The following MAPRE2 variants were observed in gnomAD, a reference collection of about 807,000 sequenced individuals.
MAPRE2 encodes the protein microtubule associated protein RP/EB family member 2.
MAPRE2 carries 13 observed loss-of-function variants against 43.2 expected under a neutral mutation model. The observed-to-expected ratio is 0.30, with a 90% CI of 0.20 to 0.48. The LOEUF is 0.48. Among genes scored for constraint, MAPRE2 ranks in the 20% least tolerant of loss-of-function variants. The pLI is 0.99. For synonymous variants in MAPRE2, 135 were observed against 148.8 expected (o/e 0.91, Z 0.68); for missense variants, 161 against 400.2 (o/e 0.40, Z 5.10).
intron 2 of MAPRE2, among the ~76,000 whole-genome samples, chr18:35,090,229 C>G (rs887383722): frequency 2.6e-5 from 4 of 152,012 alleles, no homozygotes; most frequent in Admixed American, 6.6e-5. Context: ...AATGGATGAA[C>G]AATTCTGTGA....
In MAPRE2 at chr18:35,126,972, C is replaced by T. The variant is rs562039880; in HGVS notation, c.635C>T (p.Ala212Val). 6.2e-7 allele frequency: 1 copy of T among 1,614,084 alleles called. No individual in the cohort carries two copies. Among genetic ancestry groups the T allele is most frequent in the African/African-American group, 1.3e-5 (1 of 75,026 alleles). Reference sequence around the variant, plus strand: ...GGTGCAGCTAAATCAAGTCCAGCAGCTAAACCAGGATCCACACCTTCTCGA... The same window carrying T: ...GGTGCAGCTAAATCAAGTCCAGCAGTTAAACCAGGATCCACACCTTCTCGA... ...TAGAAKSSPA[A>V]KPGSTPSRPS... Residue 212 changes from alanine to valine, a missense_variant, in exon 5 of 7, where the codon GCT becomes GTT. Physicochemically the swap from Ala to Val is moderately conservative, Grantham distance 64. Transcript: ENST00000300249.
intron 1 of MAPRE2, among the ~76,000 whole-genome samples, chr18:35,003,590 A>G (rs1407160651): frequency 6.6e-6 from 1 of 152,244 alleles, no homozygotes; most frequent in African/African-American, 2.4e-5. Context: ...GAAAATAGAA[A>G]AAGGCCAATT....
intron 6 of MAPRE2, among the ~76,000 whole-genome samples, chr18:35,135,978 GGGA>G (rs1910374660): frequency 1.3e-5 from 2 of 152,274 alleles, no homozygotes; most frequent in South Asian, 2.1e-4. Context: ...GTATTTGCTG[GGGA>G]GATCTCTTCC....
chr18:35,093,903 C>T (rs1691544839), intron 2 of MAPRE2, among the ~76,000 whole-genome samples: 1 of 152,080 alleles, frequency 6.6e-6, no homozygotes, highest in South Asian at 2.1e-4. Context: ...TTTCATATTC[C>T]CCTTGCTCTC....
At chr18:34,985,563 A>T (rs2097020300) in intron 1 of MAPRE2, among the ~76,000 whole-genome samples, 1 of 79,138 alleles carries the variant, frequency 1.3e-5, no homozygotes, top group Non-Finnish European at 2.2e-5. Context: ...TATATATTAT[A>T]AATATAATAT....
intron 4 of MAPRE2, among the ~76,000 whole-genome samples, chr18:35,119,335 C>T (rs1287421229): frequency 6.6e-6 from 1 of 152,164 alleles, no homozygotes; most frequent in African/African-American, 2.4e-5. Flanking sequence ...TTGCTACTTA[C>T]CCACCCGCAG....
At chr18:35,039,235 C>T (rs1451874808), upstream of MAPRE2, among the ~76,000 whole-genome samples, 3 of 152,134 alleles carry the variant, frequency 2.0e-5, no homozygotes, top group Non-Finnish European at 4.4e-5. Flanking sequence ...AGACTGTCCC[C>T]CCAAAAAGGG....
At chr18:35,054,009 T>C (rs1906088735) in intron 1 of MAPRE2, among the ~76,000 whole-genome samples, 1 of 152,210 alleles carries the variant, frequency 6.6e-6, no homozygotes, top group Non-Finnish European at 1.5e-5. Context: ...ATTTGCATGC[T>C]TCCAAAATTT....
At position 34,989,886 on chromosome 18, in the gene MAPRE2, T is replaced by C. The variant is rs138324911; in HGVS notation, c.-70+12807T>C. On this transcript the variant is annotated intron_variant, in intron 1 of 7. Coordinates refer to the MAPRE2 transcript ENST00000413393. ...GTTTGGCATTAATATTTGAGAAACA[T>C]TGATATGGAAAGCCTTTCCTAACCT... Among the ~76,000 whole-genome samples the C allele has an allele frequency of 4.3e-4, 65 of 152,268 alleles. 1 individual carries two copies. The East Asian group carries it at 8.7e-3, about 20-fold the overall frequency.
chr18:35,112,878 G>A (rs1432230692), intron 4 of MAPRE2, among the ~76,000 whole-genome samples: 1 of 152,194 alleles, frequency 6.6e-6, no homozygotes, highest in Non-Finnish European at 1.5e-5. Flanking sequence ...CTGGGGACTG[G>A]GAAGTCCAAG....
chr18:35,113,719 C>T (rs746060888), intron 4 of MAPRE2, among the ~76,000 whole-genome samples: 2 of 152,044 alleles, frequency 1.3e-5, no homozygotes, highest in Non-Finnish European at 2.9e-5. Flanking sequence ...ATGGCAAAAC[C>T]CCGTCTTTTC....
At chr18:35,097,884 A>T (rs1018814326) in intron 3 of MAPRE2, among the ~76,000 whole-genome samples, 2 of 152,216 alleles carry the variant, frequency 1.3e-5, no homozygotes, top group African/African-American at 4.8e-5. Context: ...TGTTTGCCAG[A>T]TGCCACTGTG....
Position 35,082,256 on chromosome 18 carries a change from C to G in MAPRE2, c.250+11934C>G, listed in dbSNP as rs1445988848. The G allele has an allele frequency of 4.3e-5, 3 of 68,970 alleles. 1 individual carries two copies. Among genetic ancestry groups the G allele is most frequent in the Admixed American group, 4.2e-4 (3 of 7,108 alleles). The allele number at this position is 68,970 out of a possible 1,614,324, so 4.3% of individuals were successfully genotyped here. Reference sequence around the variant, plus strand: ...AGTGAGCCGAGATTGCGCCACTGCACTCCAGCCTGGGCGACAGAGCGAGAC... The same window carrying G: ...AGTGAGCCGAGATTGCGCCACTGCAGTCCAGCCTGGGCGACAGAGCGAGAC... On this transcript the variant is annotated intron_variant, in intron 2 of 6. Transcript: ENST00000300249.
At chr18:35,089,085 A>C (rs1908016359) in intron 2 of MAPRE2, among the ~76,000 whole-genome samples, 1 of 152,224 alleles carries the variant, frequency 6.6e-6, no homozygotes, top group Non-Finnish European at 1.5e-5. Context: ...TAACATATGC[A>C]GGAAGAATTT....
intron 4 of MAPRE2, among the ~76,000 whole-genome samples, chr18:35,110,976 G>A (rs902464631): frequency 3.9e-5 from 6 of 152,060 alleles, no homozygotes; most frequent in Non-Finnish European, 8.8e-5. Context: ...TCCTGAGTCT[G>A]TGAATTTATG....
At chr18:34,996,331 G>A (rs1192557629) in intron 1 of MAPRE2, among the ~76,000 whole-genome samples, 1 of 152,114 alleles carries the variant, frequency 6.6e-6, no homozygotes, top group Admixed American at 6.5e-5. Context: ...AGATCATCAA[G>A]CATTAGATTT....
intron 1 of MAPRE2, among the ~76,000 whole-genome samples, chr18:34,981,872 T>TTTTA (rs1555909242): frequency 7.3e-5 from 3 of 41,250 alleles, no homozygotes; most frequent in East Asian, 1.2e-3. Flanking sequence ...TTATTTTTTT[T>TTTTA]TTTTATTTTT....
At chr18:35,072,575 A>T (rs985764771) in intron 2 of MAPRE2, among the ~76,000 whole-genome samples, 2 of 152,226 alleles carry the variant, frequency 1.3e-5, no homozygotes, top group Non-Finnish European at 2.9e-5. Flanking sequence ...ATAAGAACAA[A>T]TTGTAATTTT....
At position 35,140,504 on chromosome 18, in the gene MAPRE2, A is replaced by G. The variant is rs564632295; in HGVS notation, c.*135A>G. 1.1e-5 allele frequency: 9 copies of G among 856,932 alleles called. No homozygotes were observed. The East Asian group carries it at 1.9e-4, about 18-fold the overall frequency. 53.1% of individuals were successfully genotyped at this position (856,932 alleles called of 1,614,324 possible). On this transcript the variant is annotated 3_prime_UTR_variant, in exon 7 of 7. Transcript: ENST00000300249. ...CGTTACCATCAACGCACTGTTGCAT[A>G]TGCCAGCCACTGCGCTTGGTTCCCA... is the stretch of plus-strand genomic sequence containing the variant.
Sources: gnomAD v4.1 joint callset for allele counts (sites outside exome capture counted in the v4.1 genomes callset) on GRCh38, gnomAD v4.1.1 for gene constraint, MANE v1.5 for transcripts, NCBI Gene and HGNC (gene_info 2026-07-23, HGNC 2026-07-21) for gene names.